UBE2E2: variants seen among roughly 807,000 people sequenced by gnomAD.
UBE2E2 encodes ubiquitin conjugating enzyme E2 E2.
A neutral mutation model predicts 24.7 loss-of-function variants in UBE2E2; 6 were observed. The observed-to-expected ratio is 0.24, with a 90% confidence interval of 0.13 to 0.48. The LOEUF is 0.48. UBE2E2 is among the 20% of genes least tolerant of loss of function. The pLI, the probability that UBE2E2 is intolerant of heterozygous loss-of-function variation, is 0.99. For synonymous variants in UBE2E2, 104 were observed against 83.6 expected, an observed-to-expected ratio of 1.24 and a Z score of -1.33; for missense variants, 169 against 245.0, an observed-to-expected ratio of 0.69 and a Z score of 2.07.
intron 3 of UBE2E2, among the ~76,000 whole-genome samples, chr3:23,441,813 A>G (rs1001444457): frequency 2.0e-5 from 3 of 150,928 alleles, no homozygotes; most frequent in South Asian, 2.1e-4. Flanking sequence ...TTTTAAATAT[A>G]TCATTTTTTT....
At chr3:23,568,696 C>CAT (rs71057606) in intron 5 of UBE2E2, among the ~76,000 whole-genome samples, 9,994 of 118,306 alleles carry the variant, frequency 0.084, 522 homozygotes, top group Non-Finnish European at 0.095. Context: ...TATATACACA[C>CAT]ATATATATAT....
intron 4 of UBE2E2, among the ~76,000 whole-genome samples, chr3:23,515,344 C>G (rs1694707741): frequency 6.6e-6 from 1 of 151,852 alleles, no homozygotes; most frequent in African/African-American, 2.4e-5. Flanking sequence ...ATGTAAATAC[C>G]TAACATTTGG....
chr3:23,522,383 C>T (rs574149010), intron 4 of UBE2E2, among the ~76,000 whole-genome samples: 5 of 152,266 alleles, frequency 3.3e-5, no homozygotes, highest in South Asian at 2.1e-4. Context: ...CTGCCCGCCT[C>T]GGCCTTCCAA....
chr3:23,442,870 T>G (rs1698337586), intron 3 of UBE2E2, among the ~76,000 whole-genome samples: 1 of 152,228 alleles, frequency 6.6e-6, no homozygotes. Context: ...ACTTCCTCCA[T>G]CACTACTTTG....
intron 5 of UBE2E2, among the ~76,000 whole-genome samples, chr3:23,565,684 G>A (rs999125339): frequency 6.6e-6 from 1 of 152,026 alleles, no homozygotes; most frequent in Admixed American, 6.6e-5. Context: ...TTAAAATCCA[G>A]TTTAAAATTC....
Position 23,571,422 on chromosome 3 carries a change from C to G in UBE2E2, c.509-18312C>G, listed in dbSNP as rs1260056239. 4.6e-5 allele frequency among the ~76,000 whole-genome samples: 7 copies of G among 150,668 alleles called. No homozygotes were observed. The East Asian group carries it at 1.4e-3, about 30-fold the overall frequency. On this transcript the variant is annotated intron_variant, in intron 5 of 5. Coordinates refer to ENST00000396703, the MANE Select transcript of UBE2E2 (RefSeq NM_152653.4). The stretch of plus-strand genomic sequence containing the variant: ...CTCCTGCCTCAGCCTCCCGAGTAGC[C>G]GGGATTACAGGCGTGTGCCACCACG...
At chr3:23,481,802 A>C (rs1029561417) in intron 3 of UBE2E2, among the ~76,000 whole-genome samples, 1 of 152,234 alleles carries the variant, frequency 6.6e-6, no homozygotes, top group Non-Finnish European at 1.5e-5. Flanking sequence ...AATCCTTCAA[A>C]GATAGCCGAC....
chr3:23,255,266 T>C (rs1365352788), intron 3 of UBE2E2, among the ~76,000 whole-genome samples: 1 of 151,402 alleles, frequency 6.6e-6, no homozygotes, highest in East Asian at 1.9e-4. Flanking sequence ...GTAGTTTTTT[T>C]TTTTTTTGGT....
At chr3:23,497,833 A>G (rs1167634649) in intron 3 of UBE2E2, among the ~76,000 whole-genome samples, 4 of 152,106 alleles carry the variant, frequency 2.6e-5, no homozygotes, top group Non-Finnish European at 5.9e-5. Flanking sequence ...CCTGTTGTTC[A>G]GGGGTCAACT....
intron 3 of UBE2E2, among the ~76,000 whole-genome samples, chr3:23,355,598 T>A (rs1275082488): frequency 6.6e-6 from 1 of 152,224 alleles, no homozygotes; most frequent in Non-Finnish European, 1.5e-5. Context: ...GAAACAAGTT[T>A]AGAAAATACA....
intron 5 of UBE2E2, among the ~76,000 whole-genome samples, chr3:23,546,603 A>G (rs1695529562): frequency 6.6e-6 from 1 of 150,948 alleles, no homozygotes; most frequent in African/African-American, 2.4e-5. Flanking sequence ...CCTCCCGAGT[A>G]GCTGAAATTA....
intron 3 of UBE2E2, among the ~76,000 whole-genome samples, chr3:23,385,077 C>T (rs1353533552): frequency 6.6e-6 from 1 of 151,966 alleles, no homozygotes; most frequent in Non-Finnish European, 1.5e-5. Flanking sequence ...ACCACGGGCG[C>T]ACACTACCAC....
At chr3:23,281,695 G>C (rs1559331882) in intron 3 of UBE2E2, among the ~76,000 whole-genome samples, 1 of 152,078 alleles carries the variant, frequency 6.6e-6, no homozygotes, top group Admixed American at 6.6e-5. Flanking sequence ...CTTTAATTTG[G>C]TTTTATGTTA....
intron 3 of UBE2E2, among the ~76,000 whole-genome samples, chr3:23,455,014 T>C (rs1042898115): frequency 6.6e-6 from 1 of 152,230 alleles, no homozygotes; most frequent in Non-Finnish European, 1.5e-5. Context: ...CACTGGATTA[T>C]CATGTCTTCC....
chr3:23,453,659 A>G (rs1463453272), intron 3 of UBE2E2, among the ~76,000 whole-genome samples: 1 of 152,232 alleles, frequency 6.6e-6, no homozygotes, highest in Non-Finnish European at 1.5e-5. Flanking sequence ...TTAATAAAAT[A>G]TAAATCAAGA....
chr3:23,398,176 G>T (rs189634930), intron 3 of UBE2E2, among the ~76,000 whole-genome samples: 287 of 152,030 alleles, frequency 1.9e-3, no homozygotes, highest in Admixed American at 5.4e-3. Flanking sequence ...AGCCAGGTTT[G>T]GTGGTGGGCG....
chr3:23,389,213 A>G (rs1189867471), intron 3 of UBE2E2, among the ~76,000 whole-genome samples: 1 of 152,152 alleles, frequency 6.6e-6, no homozygotes, highest in East Asian at 1.9e-4. Context: ...GGAGCAGATG[A>G]GATCACAGCC....
intron 3 of UBE2E2, among the ~76,000 whole-genome samples, chr3:23,341,710 CT>C (rs765024492): frequency 3.3e-4 from 49 of 149,500 alleles, no homozygotes; most frequent in Middle Eastern, 3.5e-3. Flanking sequence ...TCTTCTCGTT[CT>C]TTTTTTTTTC....
At chr3:23,298,781 A>G (rs938506737) in intron 3 of UBE2E2, among the ~76,000 whole-genome samples, 1 of 152,048 alleles carries the variant, frequency 6.6e-6, no homozygotes, top group South Asian at 2.1e-4. Flanking sequence ...AGGCTTTGGT[A>G]TCAGGATGAT....
Sources: allele counts gnomAD v4.1 joint callset (sites outside exome capture counted in the v4.1 genomes callset), GRCh38; gene constraint gnomAD v4.1.1; transcripts MANE v1.5; gene names NCBI Gene and HGNC (gene_info 2026-07-23, HGNC 2026-07-21).